Variants in PDXDC1 observed in about 807,000 individuals in gnomAD.
PDXDC1 encodes the protein pyridoxal dependent decarboxylase domain containing 1, also known as pyridoxal-dependent decarboxylase domain-containing protein 1.
In PDXDC1, 42 loss-of-function variants were observed where a neutral mutation model predicts 100.1. The observed-to-expected ratio is 0.42, with a 90% CI of 0.33 to 0.54. PDXDC1 has a LOEUF of 0.54. Among genes scored for constraint, PDXDC1 ranks in the 20% least tolerant of loss-of-function variants. PDXDC1 has a pLI of 0.10. For synonymous variants in PDXDC1, 260 were observed against 371.7 expected (o/e 0.70, Z 3.46); for missense variants, 636 against 979.2 (o/e 0.65, Z 4.68).
intron 16 of PDXDC1, chr16:15,056,146 C>A: frequency 5.8e-6 from 1 of 171,926 alleles, no homozygotes; most frequent in Non-Finnish European, 1.2e-5. Context: ...GCCGAAGAGA[C>A]TGGAGAAATC....
chr16:15,002,272 G>GAT (rs1303218985), intron 4 of PDXDC1, among the ~76,000 whole-genome samples: 1 of 152,296 alleles, frequency 6.6e-6, no homozygotes, highest in African/African-American at 2.4e-5. Context: ...AATGAAAAAT[G>GAT]ATATACAAAG....
Position 15,033,322 on chromosome 16 carries a change from G to A in PDXDC1, c.1735G>A (p.Ala579Thr), listed in dbSNP as rs1453373625. The change falls in exon 19 of 23, where the codon GCG (alanine) becomes ACG (threonine). Residue 579 changes from alanine (A) to threonine (T), a missense_variant. This residue lies in a region of PDXDC1 where 452 missense variants were observed against 402.9 expected (regional missense o/e 1.12). Transcript: ENST00000396410. ...GAAGAGCTGCCTTTATGTCGGCATGGCGAGCGACAACGTCGATGCTGCTGA... is the reference window on the plus strand; with the variant it reads ...GAAGAGCTGCCTTTATGTCGGCATGACGAGCGACAACGTCGATGCTGCTGA... ...SMKSCLYVGM[A>T]SDNVDAAELV... 4 of 1,614,142 alleles carry A rather than the reference G, an allele frequency of 2.5e-6. No individual in the cohort carries two copies. The South Asian group carries it at 3.3e-5, about 13-fold the overall frequency.
intron 1 of PDXDC1, among the ~76,000 whole-genome samples, chr16:14,980,517 G>A (rs192931554): frequency 2.3e-3 from 356 of 152,196 alleles, no homozygotes; most frequent in Non-Finnish European, 3.8e-3. Context: ...ATGGAGTCTC[G>A]CCCTGTGGCC....
At chr16:14,976,570 G>T (rs1361176635) in intron 1 of PDXDC1, among the ~76,000 whole-genome samples, 25 of 152,298 alleles carry the variant, frequency 1.6e-4, no homozygotes, top group Non-Finnish European at 3.5e-4. Context: ...CGTCTGATTA[G>T]CAGGGTGTCT....
At chr16:15,109,650 C>G (rs1452542311) in intron 16 of PDXDC1, among the ~76,000 whole-genome samples, 18 of 68,382 alleles carry the variant, frequency 2.6e-4, no homozygotes, top group Admixed American at 1.8e-3. Flanking sequence ...GAGTGAGACT[C>G]TGTCTCAAAA....
chr16:15,129,795 G>A (rs540379148), intron 16 of PDXDC1: 5 of 709,100 alleles, frequency 7.1e-6, no homozygotes, highest in African/African-American at 1.7e-5. Context: ...TTGTTCTGAC[G>A]TCTGCGATGA....
intron 16 of PDXDC1, among the ~76,000 whole-genome samples, chr16:15,097,321 T>C (rs1436436667): frequency 6.6e-6 from 1 of 151,052 alleles, no homozygotes; most frequent in African/African-American, 2.4e-5. Flanking sequence ...AATATGTTAA[T>C]GTAAGTTATA....
chr16:15,094,229 G>C, intron 16 of PDXDC1: 1 of 1,585,952 alleles, frequency 6.3e-7, no homozygotes, highest in Non-Finnish European at 8.6e-7. Context: ...CAGCGGTGCC[G>C]CCATTGGGCC....
chr16:15,085,736 G>A, intron 16 of PDXDC1: 1 of 1,611,128 alleles, frequency 6.2e-7, no homozygotes, highest in Non-Finnish European at 8.5e-7. Flanking sequence ...TTCTGTCATT[G>A]ATCTAGACAA....
downstream of PDXDC1, among the ~76,000 whole-genome samples, chr16:15,141,260 C>A (rs867804802): frequency 1.3e-5 from 2 of 152,326 alleles, no homozygotes; most frequent in South Asian, 2.1e-4. Context: ...TGGTGGGGCC[C>A]GGGGCCAGGG....
At chr16:15,076,530 T>C (rs754130918) in intron 16 of PDXDC1, 6 of 1,433,296 alleles carry the variant, frequency 4.2e-6, no homozygotes, top group Non-Finnish European at 5.9e-6. Flanking sequence ...ATAAACTTCA[T>C]CTCCACTTTC....
intron 16 of PDXDC1, among the ~76,000 whole-genome samples, chr16:15,099,526 T>G (rs2046471116): frequency 6.6e-6 from 1 of 151,950 alleles, no homozygotes; most frequent in South Asian, 2.1e-4. Context: ...GGAGCCTCTA[T>G]TCAGTCAAAT....
intron 16 of PDXDC1, among the ~76,000 whole-genome samples, chr16:15,082,140 C>G (rs146624455): frequency 6.6e-6 from 1 of 152,154 alleles, no homozygotes; most frequent in Non-Finnish European, 1.5e-5. Flanking sequence ...GCAGCAAGAG[C>G]GGACATCCTT....
At chr16:15,141,107 G>C (rs1302115825), downstream of PDXDC1, among the ~76,000 whole-genome samples, 22 of 131,504 alleles carry the variant, frequency 1.7e-4, no homozygotes, top group South Asian at 1.0e-3. Context: ...CTCCATCCCT[G>C]AGCACCCGCC....
intron 16 of PDXDC1, among the ~76,000 whole-genome samples, chr16:15,099,836 T>A (rs930672767): frequency 1.3e-5 from 2 of 152,164 alleles, no homozygotes; most frequent in African/African-American, 4.8e-5. Flanking sequence ...AGAAGACCCA[T>A]TAAACTGTTA....
rs1461272749 is a variant in PDXDC1 at position 15,090,038 on chromosome 16, G to A, written c.1400-48841G>A. ...AGCCTGGCCAACATGGTGAAACCCC[G>A]TTTCTACTAAAAATAAAAAAAATTA... On this transcript the variant is annotated intron_variant, in intron 16 of 16. Coordinates refer to the PDXDC1 transcript ENST00000535621. 1.5e-4 allele frequency among the ~76,000 whole-genome samples: 22 copies of A among 151,512 alleles called. No individual in the cohort carries two copies. In the Middle Eastern group the frequency reaches 0.01, roughly 71 times the overall value.
At chr16:15,149,009 C>T in the PDXDC1 span, among the ~76,000 whole-genome samples, 171 of 152,342 alleles carry the variant, frequency 1.1e-3, 2 homozygotes, top group African/African-American at 3.8e-3. Flanking sequence ...CGCCCGAGTG[C>T]GGGAGCCACG....
Position 15,028,267 on chromosome 16 carries a change from T to C in PDXDC1, c.1205-611T>C, listed in dbSNP as rs1489421146. Among the ~76,000 whole-genome samples the C allele has an allele frequency of 2.6e-5, 4 of 152,408 alleles. No homozygotes were observed. In the South Asian group the frequency reaches 8.3e-4, roughly 32 times the overall value. On this transcript the variant is annotated intron_variant, in intron 14 of 22. Coordinates refer to ENST00000396410, the MANE Select transcript of PDXDC1 (RefSeq NM_015027.4). ...TCCCTCTGTCTTACACACATTTCTC[T>C]CTTCTGGTGCCAGCTCCTCCTCACC...
rs572693902 is a variant in PDXDC1, at chr16:15,012,100, A to T, written c.727+2341A>T. 2.6e-5 allele frequency among the ~76,000 whole-genome samples: 4 copies of T among 152,312 alleles called. No individual in the cohort carries two copies. The South Asian group carries it at 8.3e-4, about 32-fold the overall frequency. On this transcript the variant is annotated intron_variant, in intron 8 of 22. Coordinates refer to ENST00000396410, the MANE Select transcript of PDXDC1 (RefSeq NM_015027.4). Reference sequence around the variant, plus strand: ...GTTACAACTCAATAAGGACACAAGCAATACAATTTTTTTTTTTTTTGGAGA... The same window carrying T: ...GTTACAACTCAATAAGGACACAAGCTATACAATTTTTTTTTTTTTTGGAGA...
Sources: allele counts gnomAD v4.1 joint callset (sites outside exome capture counted in the v4.1 genomes callset), GRCh38; gene constraint gnomAD v4.1.1; regional missense constraint gnomAD v4.1.1; transcripts MANE v1.5; gene names NCBI Gene and HGNC (gene_info 2026-07-23, HGNC 2026-07-21).